The following SLAIN1 variants were observed in gnomAD, a reference collection of about 807,000 sequenced individuals.
SLAIN1 encodes the protein SLAIN family member 1.
Under a neutral mutation model 55.4 loss-of-function variants are expected in SLAIN1, and 17 were observed. The ratio of observed to expected loss-of-function variants is 0.31; its 90% confidence interval spans 0.21 to 0.46. The LOEUF is 0.46. Ranked by LOEUF, SLAIN1 falls within the 20% of genes least tolerant of loss-of-function variation. SLAIN1 has a pLI of 1.00. For missense variants in SLAIN1, 682 were observed against 785.1 expected (o/e 0.87, Z 1.57); for synonymous variants, 348 against 337.4 (o/e 1.03, Z -0.35).
In SLAIN1 at chr13:77,763,356, A is replaced by C; in HGVS notation, c.*136A>C. On this transcript the variant is annotated 3_prime_UTR_variant, in exon 7 of 7. Transcript: ENST00000418532. ...AATATATTTACTGCATTGTTTCTCAATGGACCAGTCACCAGAGACTAATTA... is the reference window on the plus strand; with the variant it reads ...AATATATTTACTGCATTGTTTCTCACTGGACCAGTCACCAGAGACTAATTA... 1 of 659,476 alleles carries C rather than the reference A, an allele frequency of 1.5e-6. No individual in the cohort carries two copies. The highest frequency in any genetic ancestry group is 2.7e-5 in the East Asian group (1 of 37,190). The allele number at this position is 659,476 out of a possible 1,614,324, so 40.9% of individuals were successfully genotyped here.
chr13:77,706,400 C>T (rs1334230665), intron 1 of SLAIN1, among the ~76,000 whole-genome samples: 2 of 152,162 alleles, frequency 1.3e-5, no homozygotes, highest in Non-Finnish European at 2.9e-5. Flanking sequence ...CTCTCCTCTT[C>T]ACTTTCTTTA....
intron 2 of SLAIN1, among the ~76,000 whole-genome samples, chr13:77,740,145 T>C (rs1016623000): frequency 6.6e-6 from 1 of 152,208 alleles, no homozygotes; most frequent in African/African-American, 2.4e-5. Context: ...TGAAATGAGC[T>C]GAAGTACCTT....
intron 1 of SLAIN1, among the ~76,000 whole-genome samples, chr13:77,714,005 CA>C: frequency 6.6e-6 from 1 of 151,502 alleles, no homozygotes; most frequent in Non-Finnish European, 1.5e-5. Flanking sequence ...TGGAACATCA[CA>C]CACCAGGGCC....
Position 77,721,958 on chromosome 13 carries a change from G to A in SLAIN1, c.766+2287G>A, listed in dbSNP as rs566775039. On this transcript the variant is annotated intron_variant, in intron 2 of 6. Coordinates refer to ENST00000418532, the MANE Select transcript of SLAIN1 (RefSeq NM_001242868.2). ...AGATTTACATACATATAAGCATTAT[G>A]TCATTTGCACACTAGATACATTTAC... is the stretch of plus-strand genomic sequence containing the variant. 3.4e-5 allele frequency among the ~76,000 whole-genome samples: 5 copies of A among 147,058 alleles called. No homozygotes were observed. The South Asian group carries it at 9.0e-4, about 26-fold the overall frequency.
intron 1 of SLAIN1, among the ~76,000 whole-genome samples, chr13:77,708,064 G>A (rs1566219881): frequency 1.3e-5 from 2 of 152,176 alleles, no homozygotes; most frequent in African/African-American, 4.8e-5. Context: ...CCAGACAATA[G>A]GAATTGGACT....
intron 6 of SLAIN1, among the ~76,000 whole-genome samples, chr13:77,761,384 A>G (rs1008755824): frequency 6.6e-6 from 1 of 152,086 alleles, no homozygotes; most frequent in Non-Finnish European, 1.5e-5. Context: ...CTGTCTCCAG[A>G]GCTTTTGTAG....
At position 77,760,774 on chromosome 13, in the gene SLAIN1, C is replaced by G. The variant is rs1874950310; in HGVS notation, c.1415-54C>G. On this transcript the variant is annotated intron_variant, in intron 5 of 6. Coordinates refer to ENST00000418532, the MANE Select transcript of SLAIN1 (RefSeq NM_001242868.2). ...CTCTTCTGAAAATAACACACATTTC[C>G]TAAGTCGGATAGTGGTAGAAGGTTG... 3.2e-6 allele frequency: 5 copies of G among 1,578,124 alleles called. No individual in the cohort carries two copies. The East Asian group carries it at 1.1e-4, about 35-fold the overall frequency.
intron 2 of SLAIN1, among the ~76,000 whole-genome samples, chr13:77,737,167 A>G (rs1164661377): frequency 1.3e-5 from 2 of 152,018 alleles, no homozygotes; most frequent in Non-Finnish European, 1.5e-5. Flanking sequence ...GAACTAAAGC[A>G]TTAGCTTCGG....
At chr13:77,731,664 G>A (rs1015755548) in intron 2 of SLAIN1, among the ~76,000 whole-genome samples, 3 of 152,076 alleles carry the variant, frequency 2.0e-5, no homozygotes, top group Non-Finnish European at 4.4e-5. Flanking sequence ...CCTTGGTCCT[G>A]TCGTATCTAG....
In SLAIN1 at chr13:77,746,873, T is replaced by C; in HGVS notation, c.1258+18T>C. The C allele has an allele frequency of 6.3e-7, 1 of 1,578,300 alleles. No homozygotes were observed. Among genetic ancestry groups the C allele is most frequent in the South Asian group, 1.2e-5 (1 of 86,786 alleles). The stretch of plus-strand genomic sequence containing the variant: ...CAATGGAGGTAGGTTGTATGCTTTT[T>C]TGGTATTTGATATGCTTTAATTTTT... On this transcript the variant is annotated intron_variant, in intron 4 of 6. Transcript: ENST00000418532.
Position 77,697,918 on chromosome 13 carries a change from TGGC to T in SLAIN1, c.8_10del (p.Ala3del). ...GCGGCGCCCTCGGGGCCCACGATGA[TGGC>T]GGAGCAGGTGAAATGCGCCTCGGCA... On this transcript the variant is annotated inframe_deletion, in exon 1 of 7. Coordinates refer to ENST00000418532, the MANE Select transcript of SLAIN1 (RefSeq NM_001242868.2). The T allele has an allele frequency of 1.4e-6, 2 of 1,405,634 alleles. No homozygotes were observed. The highest frequency in any genetic ancestry group is 1.9e-6 in the Non-Finnish European group (2 of 1,070,188). The allele number at this position is 1,405,634 out of a possible 1,614,324, so 87.1% of individuals were successfully genotyped here.
Position 77,698,214 on chromosome 13 carries a change from G to T in SLAIN1, c.301G>T (p.Ala101Ser). Residue 101 changes from alanine (A) to serine (S), a missense_variant, in exon 1 of 7, where the codon GCG becomes TCG. Ala to Ser is a moderately conservative substitution (Grantham distance 99, BLOSUM62 1). Around this residue, in one of 3 missense-constraint regions of SLAIN1, gnomAD observed 401 missense variants for 417.3 expected, o/e 0.96. Transcript: ENST00000418532. The surrounding 1 kb of genome is among the most constrained non-coding windows in gnomAD (Gnocchi z 4.1). Reference sequence around the variant, plus strand: ...CTCAGGGGGCCTGGGGCTCGGGCTGGCGCTGGGCGCGGGGGGCGGTGGCGG... The same window carrying T: ...CTCAGGGGGCCTGGGGCTCGGGCTGTCGCTGGGCGCGGGGGGCGGTGGCGG... ...AASGGLGLGL[A>S]LGAGGGGGSG... 2 of 1,293,106 alleles carry T rather than the reference G, an allele frequency of 1.5e-6. No homozygotes were observed. The highest frequency in any genetic ancestry group is 2.2e-5 in the South Asian group (1 of 45,200). 80.1% of individuals were successfully genotyped at this position (1,293,106 alleles called of 1,614,324 possible). A position where few individuals can be genotyped will look rare whatever the true frequency, so the allele number is the denominator to read the frequency against.
intron 2 of SLAIN1, chr13:77,742,940 C>G: frequency 2.5e-5 from 17 of 668,570 alleles, no homozygotes; most frequent in Admixed American, 6.6e-5. Context: ...TTTTTATTCT[C>G]TTCCCTTTCT....
intron 4 of SLAIN1, among the ~76,000 whole-genome samples, chr13:77,750,604 G>A (rs1192844278): frequency 1.3e-5 from 2 of 152,112 alleles, no homozygotes; most frequent in African/African-American, 2.4e-5. Context: ...TGCTCTGTGA[G>A]GCTGGGAACT....
chr13:77,762,992 G>GT (rs1275850382), intron 6 of SLAIN1, among the ~76,000 whole-genome samples, 153 bp from the exon 7 acceptor site: 1 of 152,178 alleles, frequency 6.6e-6, no homozygotes, highest in East Asian at 1.9e-4. Flanking sequence ...GTGAAGACCC[G>GT]TAAGTGTGAA....
At chr13:77,752,137 G>GA (rs1316131499) in intron 4 of SLAIN1, among the ~76,000 whole-genome samples, 1 of 152,228 alleles carries the variant, frequency 6.6e-6, no homozygotes, top group East Asian at 1.9e-4. Context: ...GCGTACTCAT[G>GA]AAAGTTAAAA....
rs577981200 is a variant in SLAIN1 at position 77,698,835 on chromosome 13, T to C, written c.626+296T>C. 5 of 1,476,694 alleles carry C rather than the reference T, an allele frequency of 3.4e-6. No individual in the cohort carries two copies. The East Asian group carries it at 7.5e-5, about 22-fold the overall frequency. 91.5% of individuals were successfully genotyped at this position (1,476,694 alleles called of 1,614,324 possible). ...TGCTGATTGTTGGGTCCCAAGCTCC[T>C]CGTTAGCATTAAGTGCAAAATCCAT... On this transcript the variant is annotated intron_variant, in intron 1 of 6. Coordinates refer to ENST00000418532, the MANE Select transcript of SLAIN1 (RefSeq NM_001242868.2). The surrounding 1 kb of genome is among the most constrained non-coding windows in gnomAD (Gnocchi z 4.1).
rs1472894658 is a variant in SLAIN1, at chr13:77,698,147, G to T, written c.234G>T (p.Leu78Phe). 8.9e-7 allele frequency: 1 copy of T among 1,129,216 alleles called. No individual in the cohort carries two copies. Among genetic ancestry groups the T allele is most frequent in the Non-Finnish European group, 1.1e-6 (1 of 918,706 alleles). The allele number at this position is 1,129,216 out of a possible 1,614,324, so 69.9% of individuals were successfully genotyped here. The change falls in exon 1 of 7, where the codon TTG becomes TTT. Residue 78 changes from leucine to phenylalanine, a missense_variant. By Grantham distance (22) the Leu-to-Phe change is conservative. Transcript: ENST00000418532. The surrounding 1 kb of genome is among the most constrained non-coding windows in gnomAD (Gnocchi z 4.1). ...AAPPPAGLQP[L>F]GPRSPPAATA... The stretch of plus-strand genomic sequence containing the variant: ...CGCCCCCCGCTGGCCTGCAGCCTTT[G>T]GGTCCTCGGAGCCCCCCGGCCGCCA...
At chr13:77,702,584 C>G (rs2091041582) in intron 1 of SLAIN1, among the ~76,000 whole-genome samples, 1 of 152,082 alleles carries the variant, frequency 6.6e-6, no homozygotes, top group Admixed American at 6.6e-5. Context: ...CCTGTTTCAG[C>G]CCTCTTATTT....
Sources: allele counts gnomAD v4.1 joint callset (sites outside exome capture counted in the v4.1 genomes callset), GRCh38; gene constraint gnomAD v4.1.1; regional missense constraint gnomAD v4.1.1; non-coding constraint Gnocchi (gnomAD v3.1); transcripts MANE v1.5; gene names NCBI Gene and HGNC (gene_info 2026-07-23, HGNC 2026-07-21).